COL4A4: variants seen among roughly 807,000 people sequenced by gnomAD.
COL4A4 encodes the protein collagen alpha-4(IV) chain.
COL4A4 carries 105 observed loss-of-function variants against 192.9 expected under a neutral mutation model. The observed-to-expected ratio is 0.54, with a 90% confidence interval of 0.46 to 0.64. The LOEUF (loss-of-function observed/expected upper bound fraction) is 0.64, where lower values mean the gene tolerates loss of function less well. Among genes scored for constraint, COL4A4 ranks in the 30% least tolerant of loss-of-function variants. The pLI is 0.00. For missense variants in COL4A4, 1,967 were observed against 2,169.3 expected (o/e 0.91, Z 1.85); for synonymous variants, 762 against 769.9 (o/e 0.99, Z 0.17).
rs931412829 is a variant in COL4A4, at chr2:227,005,927, A to C, written c.*1398T>G. 4 of 152,206 alleles carry C rather than the reference A, an allele frequency of 2.6e-5. No homozygotes were observed. The highest frequency in any genetic ancestry group is 2.0e-4 in the Admixed American group (3 of 15,280). The allele number at this position is 152,206 out of a possible 1,614,324, so 9.4% of individuals were successfully genotyped here. On this transcript the variant is annotated 3_prime_UTR_variant, in exon 48 of 48. Coordinates refer to ENST00000396625, the MANE Select transcript of COL4A4 (RefSeq NM_000092.5). ...AATTCCTAGCAAAACAGAAAAAGGG[A>C]TCTTTTGCTTTACAGAAAAAAATAA... is the stretch of plus-strand genomic sequence containing the variant.
At chr2:227,042,077 G>T in intron 37 of COL4A4, 71 bp downstream of exon 37, 2 of 961,172 alleles carry the variant, frequency 2.1e-6, no homozygotes, top group South Asian at 2.6e-5. Context: ...ACTGGTACAG[G>T]AAAAAAACAC....
chr2:227,136,158 A>G (rs1055491081), intron 4 of COL4A4, among the ~76,000 whole-genome samples: 1 of 152,160 alleles, frequency 6.6e-6, no homozygotes, highest in Admixed American at 6.5e-5. Context: ...TATGCTTGCA[A>G]TCTAATCAAT....
chr2:227,091,003 C>A (rs1474299776), intron 20 of COL4A4, among the ~76,000 whole-genome samples: 1 of 150,856 alleles, frequency 6.6e-6, no homozygotes, highest in Non-Finnish European at 1.5e-5. Flanking sequence ...CAGTGAGGTC[C>A]AAAACAGGAT....
At chr2:227,047,151 C>A (rs1973067360) in intron 35 of COL4A4, among the ~76,000 whole-genome samples, 1 of 151,850 alleles carries the variant, frequency 6.6e-6, no homozygotes, top group South Asian at 2.1e-4. Context: ...GCAAAATGGT[C>A]CAGATTTTAA....
At chr2:227,046,661 C>T (rs1246208021) in intron 35 of COL4A4, among the ~76,000 whole-genome samples, 3 of 152,034 alleles carry the variant, frequency 2.0e-5, no homozygotes, top group African/African-American at 7.3e-5. Flanking sequence ...GAAATGTAAA[C>T]ATATATGAGT....
intron 2 of COL4A4, among the ~76,000 whole-genome samples, chr2:227,145,688 T>C (rs750482828): frequency 2.2e-4 from 34 of 152,194 alleles, no homozygotes; most frequent in Non-Finnish European, 4.3e-4. Flanking sequence ...CCTCATGTCC[T>C]AAGTGAGCCT....
intron 4 of COL4A4, among the ~76,000 whole-genome samples, chr2:227,128,530 C>T (rs1474742382): frequency 6.6e-6 from 1 of 152,182 alleles, no homozygotes; most frequent in African/African-American, 2.4e-5. Flanking sequence ...GCTCAGCCCT[C>T]TGCCTCCTCC....
chr2:227,022,357 T>G (rs1435134699), intron 43 of COL4A4, 184 bp from the exon 44 acceptor site: 21 of 864,756 alleles, frequency 2.4e-5, no homozygotes, highest in Non-Finnish European at 4.2e-5. Flanking sequence ...AAGGCAGAAA[T>G]TTGTCTTATG....
At chr2:227,041,836 GAAAGAAAGAAAGAGAAAGAAAGAAAGAA>G (rs1971234363) in intron 37 of COL4A4, among the ~76,000 whole-genome samples, 3 of 50,162 alleles carry the variant, frequency 6.0e-5, no homozygotes, top group Non-Finnish European at 1.1e-4. Flanking sequence ...AAGAAAGAAA[GAAAGAAAGAAAGAGAAAGAAAGAAAGAA>G]AGAAAGAAAG....
At chr2:227,090,393 A>G (rs2059849553) in intron 20 of COL4A4, among the ~76,000 whole-genome samples, 1 of 152,230 alleles carries the variant, frequency 6.6e-6, no homozygotes, top group Admixed American at 6.5e-5. Flanking sequence ...AAGACGACAG[A>G]TAAAATGCAA....
At position 227,052,225 on chromosome 2, in the gene COL4A4, AT is replaced by A. The variant is rs1974276622; in HGVS notation, c.2968+79del. ...AAAAGTCTTTTCTAATCTCAGTGTT[AT>A]TGGGGAAAGTTGCCTAACAAATGTG... On this transcript the variant is annotated intron_variant, in intron 32 of 47. Coordinates refer to ENST00000396625, the MANE Select transcript of COL4A4 (RefSeq NM_000092.5). The A allele has an allele frequency of 3.5e-6, 3 of 863,856 alleles. No homozygotes were observed. The South Asian group carries it at 4.2e-5, about 12-fold the overall frequency. The allele number at this position is 863,856 out of a possible 1,614,324, so 53.5% of individuals were successfully genotyped here.
intron 18 of COL4A4, among the ~76,000 whole-genome samples, chr2:227,099,194 G>A (rs749518263): frequency 7.2e-5 from 11 of 152,190 alleles, no homozygotes; most frequent in Non-Finnish European, 1.3e-4. Context: ...AGCCTCCCAC[G>A]TAGCTGGGAT....
chr2:227,094,682 G>A (rs1487043680), intron 19 of COL4A4, among the ~76,000 whole-genome samples: 1 of 152,128 alleles, frequency 6.6e-6, no homozygotes, highest in African/African-American at 2.4e-5. Context: ...TTTGCTAAGA[G>A]GCTAGATCTA....
At chr2:227,135,581 G>A (rs965252477) in intron 4 of COL4A4, among the ~76,000 whole-genome samples, 1 of 152,194 alleles carries the variant, frequency 6.6e-6, no homozygotes, top group South Asian at 2.1e-4. Flanking sequence ...TCCCCCTACA[G>A]AGTCCCTGCA....
chr2:227,143,824 T>A (rs1204051942), intron 3 of COL4A4, among the ~76,000 whole-genome samples: 1 of 152,214 alleles, frequency 6.6e-6, no homozygotes, highest in African/African-American at 2.4e-5. Flanking sequence ...AAGAAATGAA[T>A]CTTTGGCAGA....
intron 21 of COL4A4, among the ~76,000 whole-genome samples, chr2:227,089,587 CCATATATATATATATATATATACATA>C (rs2059785500): frequency 3.2e-5 from 2 of 62,136 alleles, no homozygotes; most frequent in South Asian, 1.4e-3. Context: ...GGCAAATGTT[CCATATATATATATATATATATACATA>C]CATATATATA....
At chr2:226,978,260 ACT>A in the COL4A4 span, among the ~76,000 whole-genome samples, 4 of 152,132 alleles carry the variant, frequency 2.6e-5, no homozygotes, top group African/African-American at 7.2e-5. Context: ...TTCAATTTGT[ACT>A]CTTTTTTCTC....
At chr2:227,039,504 G>A (rs1970363534) in intron 37 of COL4A4, among the ~76,000 whole-genome samples, 1 of 152,170 alleles carries the variant, frequency 6.6e-6, no homozygotes, top group Admixed American at 6.5e-5. Flanking sequence ...CCATACTGAA[G>A]TTATGTGATA....
intron 6 of COL4A4, among the ~76,000 whole-genome samples, chr2:227,119,605 G>A (rs2061669607): frequency 6.7e-6 from 1 of 148,268 alleles, no homozygotes; most frequent in South Asian, 2.1e-4. Context: ...AAGTAATTGT[G>A]GGGGATTGAA....
Sources: allele counts gnomAD v4.1 joint callset (sites outside exome capture counted in the v4.1 genomes callset), GRCh38; gene constraint gnomAD v4.1.1; transcripts MANE v1.5; gene names NCBI Gene and HGNC (gene_info 2026-07-23, HGNC 2026-07-21).